The following SMOC1 variants were observed in gnomAD, a reference collection of about 807,000 sequenced individuals.
The protein encoded by SMOC1 is SPARC-related modular calcium-binding protein 1.
SMOC1 carries 22 observed loss-of-function variants against 56.3 expected under a neutral mutation model. The observed-to-expected ratio is 0.39, with a 90% CI of 0.28 to 0.56. The LOEUF (loss-of-function observed/expected upper bound fraction) is 0.56, where lower values mean the gene tolerates loss of function less well. Among genes scored for constraint, SMOC1 ranks in the 20% least tolerant of loss-of-function variants. The probability of loss-of-function intolerance (pLI) is 0.61; values close to 1 mark genes in which losing one functional copy is unlikely to be tolerated. For synonymous variants in SMOC1, 193 were observed against 215.0 expected, an observed-to-expected ratio of 0.90 and a Z score of 0.89; for missense variants, 509 against 565.4, an observed-to-expected ratio of 0.90 and a Z score of 1.01.
intron 10 of SMOC1, among the ~76,000 whole-genome samples, chr14:70,014,148 G>T (rs1166550931): frequency 2.0e-5 from 3 of 152,206 alleles, no homozygotes; most frequent in Non-Finnish European, 4.4e-5. Flanking sequence ...TTTGAACATG[G>T]AAAACACAGC....
intron 7 of SMOC1, among the ~76,000 whole-genome samples, chr14:70,002,766 G>A (rs191602721): frequency 1.3e-5 from 2 of 152,312 alleles, no homozygotes; most frequent in African/African-American, 4.8e-5. Context: ...AAAATAACCT[G>A]TTCACATAGT....
chr14:69,986,224 C>T (rs1884361225), intron 5 of SMOC1, among the ~76,000 whole-genome samples: 2 of 152,120 alleles, frequency 1.3e-5, no homozygotes, highest in South Asian at 2.1e-4. Context: ...AGATGGAGAA[C>T]AGATTAGTGG....
intron 3 of SMOC1, among the ~76,000 whole-genome samples, chr14:69,959,479 T>G (rs1417026430): frequency 6.6e-6 from 1 of 152,216 alleles, no homozygotes; most frequent in East Asian, 1.9e-4. Flanking sequence ...TAAAACTCTA[T>G]TCATTATGTT....
intron 3 of SMOC1, among the ~76,000 whole-genome samples, chr14:69,957,249 T>C (rs1234287932): frequency 2.0e-5 from 3 of 152,228 alleles, no homozygotes; most frequent in East Asian, 1.9e-4. Context: ...GCTTGGCAAG[T>C]GTGTGCATCA....
chr14:69,972,498 C>T (rs538587127), intron 3 of SMOC1, among the ~76,000 whole-genome samples: 1 of 152,328 alleles, frequency 6.6e-6, no homozygotes, highest in South Asian at 2.1e-4. Flanking sequence ...AACAATTCCT[C>T]ATTTGATTTC....
intron 1 of SMOC1, among the ~76,000 whole-genome samples, chr14:69,932,006 A>G (rs1206963100): frequency 3.9e-5 from 6 of 152,256 alleles, no homozygotes; most frequent in Admixed American, 1.3e-4. Flanking sequence ...CCAGGGCCAA[A>G]GCCATGGAGC....
At chr14:70,024,665 G>A (rs1411832682) in intron 11 of SMOC1, among the ~76,000 whole-genome samples, 2 of 152,118 alleles carry the variant, frequency 1.3e-5, no homozygotes, top group African/African-American at 2.4e-5. Flanking sequence ...TTTTCAATGA[G>A]CTGAAGGATG....
intron 1 of SMOC1, among the ~76,000 whole-genome samples, chr14:69,930,625 T>G (rs1482836892): frequency 6.6e-6 from 1 of 152,100 alleles, no homozygotes; most frequent in Admixed American, 6.5e-5. Context: ...CCCCTGGGTA[T>G]GCAAGAGAAA....
intron 1 of SMOC1, among the ~76,000 whole-genome samples, chr14:69,889,112 T>C (rs1883890738): frequency 6.6e-6 from 1 of 152,202 alleles, no homozygotes; most frequent in South Asian, 2.1e-4. Flanking sequence ...TAAATTAATG[T>C]AAATATGAAT....
chr14:69,956,103 C>A (rs1286160117), intron 3 of SMOC1, among the ~76,000 whole-genome samples: 1 of 152,186 alleles, frequency 6.6e-6, no homozygotes, highest in Admixed American at 6.5e-5. Flanking sequence ...AAAGGAACTT[C>A]CAGATTAGTC....
chr14:69,889,242 C>T (rs1382208572), intron 1 of SMOC1, among the ~76,000 whole-genome samples: 2 of 152,162 alleles, frequency 1.3e-5, no homozygotes, highest in Non-Finnish European at 2.9e-5. Context: ...CAGGGCTGAA[C>T]CACTGTACTT....
chr14:69,964,621 C>T (rs374596036), intron 3 of SMOC1, among the ~76,000 whole-genome samples: 3 of 152,106 alleles, frequency 2.0e-5, no homozygotes, highest in African/African-American at 7.2e-5. Context: ...TCGAGATCTG[C>T]CCGCCTTGGC....
intron 1 of SMOC1, among the ~76,000 whole-genome samples, chr14:69,917,640 A>G (rs561065347): frequency 3.3e-5 from 5 of 152,358 alleles, no homozygotes; most frequent in East Asian, 1.9e-4. Flanking sequence ...ATGGTAACAC[A>G]TCGGTTGTTC....
At chr14:69,995,338 G>A (rs1415305609) in intron 7 of SMOC1, among the ~76,000 whole-genome samples, 2 of 152,180 alleles carry the variant, frequency 1.3e-5, no homozygotes, top group Admixed American at 6.5e-5. Context: ...TAATGGTGGC[G>A]ATGTGGCATT....
intron 1 of SMOC1, among the ~76,000 whole-genome samples, chr14:69,887,634 G>A (rs1391327160): frequency 1.3e-5 from 2 of 152,222 alleles, no homozygotes; most frequent in Admixed American, 6.5e-5. Flanking sequence ...AGATGTGCAT[G>A]TGGCTCTATC....
chr14:70,023,730 C>T (rs749012383), intron 11 of SMOC1, among the ~76,000 whole-genome samples: 1 of 151,974 alleles, frequency 6.6e-6, no homozygotes, highest in Non-Finnish European at 1.5e-5. Context: ...ACAAGTAGAC[C>T]CATACATCAT....
chr14:70,030,222 A>G lies in SMOC1; in HGVS notation c.1292-20A>G, dbSNP rs771086370. 14 of 1,506,070 alleles carry G rather than the reference A, an allele frequency of 9.3e-6. No individual in the cohort carries two copies. Among genetic ancestry groups the G allele is most frequent in the Non-Finnish European group, 1.2e-5 (14 of 1,127,072 alleles). 93.3% of individuals were successfully genotyped at this position (1,506,070 alleles called of 1,614,324 possible). A position where few individuals can be genotyped will look rare whatever the true frequency, so the allele number is the denominator to read the frequency against. ...CCGACCTTTTTTTTTTTTTTTTTGC[A>G]TTCTCCTTCCTTCTCTCAGTAGGAC... On this transcript the variant is annotated intron_variant, in intron 11 of 11. Coordinates refer to ENST00000361956, the MANE Select transcript of SMOC1 (RefSeq NM_001034852.3).
At chr14:69,955,238 T>G (rs1280666470) in intron 3 of SMOC1, among the ~76,000 whole-genome samples, 1 of 152,118 alleles carries the variant, frequency 6.6e-6, no homozygotes, top group East Asian at 1.9e-4. Context: ...CTCTCTGAGC[T>G]GGCAGCTTTA....
At chr14:70,017,367 G>A (rs1885555685) in intron 10 of SMOC1, among the ~76,000 whole-genome samples, 1 of 152,200 alleles carries the variant, frequency 6.6e-6, no homozygotes, top group Non-Finnish European at 1.5e-5. Flanking sequence ...GGCAGCTGGA[G>A]GTCAGGTAGC....
Sources: gnomAD v4.1 joint callset for allele counts (sites outside exome capture counted in the v4.1 genomes callset) on GRCh38, gnomAD v4.1.1 for gene constraint, MANE v1.5 for transcripts, NCBI Gene and HGNC (gene_info 2026-07-23, HGNC 2026-07-21) for gene names.